The following DHRSX variants were observed in gnomAD, a reference collection of about 807,000 sequenced individuals.
DHRSX encodes polyprenol dehydrogenase.
Under a neutral mutation model 34.0 loss-of-function variants are expected in DHRSX, and 31 were observed. The observed-to-expected ratio is 0.91, with a 90% CI of 0.69 to 1.23. DHRSX has a LOEUF of 1.23. DHRSX is among the 50% of genes most tolerant of loss of function. DHRSX has a pLI of 0.00. For missense variants in DHRSX, 414 were observed against 428.1 expected, an observed-to-expected ratio of 0.97 and a Z score of 0.29; for synonymous variants, 201 against 183.8, an observed-to-expected ratio of 1.09 and a Z score of -0.76.
At chrX:2,324,706 A>G in intron 3 of DHRSX, among the ~76,000 whole-genome samples, 1 of 151,392 alleles carries the variant, frequency 6.6e-6, no homozygotes, top group South Asian at 2.1e-4. Context: ...TACAGGAGTT[A>G]AGAAGAAATC....
intron 5 of DHRSX, among the ~76,000 whole-genome samples, chrX:2,262,481 C>T (rs2041377091): frequency 6.6e-6 from 1 of 152,124 alleles, no homozygotes; most frequent in South Asian, 2.1e-4. Context: ...CTCATCTGTG[C>T]CCACAGGTAC....
chrX:2,226,195 G>A (rs2015657180), intron 6 of DHRSX, among the ~76,000 whole-genome samples: 1 of 152,168 alleles, frequency 6.6e-6, no homozygotes, highest in African/African-American at 2.4e-5. Context: ...GCAGGCTGCT[G>A]TGTGCATATG....
intron 3 of DHRSX, among the ~76,000 whole-genome samples, chrX:2,295,727 A>C (rs1055053859): frequency 2.0e-5 from 3 of 152,178 alleles, no homozygotes; most frequent in Non-Finnish European, 4.4e-5. Flanking sequence ...TGTGTAACTA[A>C]TACACAAAAT....
chrX:2,436,352 C>G (rs1051614056), intron 1 of DHRSX, among the ~76,000 whole-genome samples: 1 of 151,814 alleles, frequency 6.6e-6, no homozygotes. Context: ...GTTTTGTCTA[C>G]TGTCATGAGC....
intron 3 of DHRSX, among the ~76,000 whole-genome samples, chrX:2,306,690 T>G (rs2042101226): frequency 6.6e-6 from 1 of 152,138 alleles, no homozygotes; most frequent in Non-Finnish European, 1.5e-5. Flanking sequence ...GGATTCTGTT[T>G]GCTAGTATGT....
At chrX:2,490,126 G>A (rs370186320) in intron 1 of DHRSX, 19 of 1,613,796 alleles carry the variant, frequency 1.2e-5, no homozygotes, top group East Asian at 4.5e-5. Context: ...TCCACATGTC[G>A]GTGGAGATGC....
intron 5 of DHRSX, among the ~76,000 whole-genome samples, chrX:2,258,362 C>G (rs1305815893): frequency 2.0e-5 from 3 of 152,046 alleles, no homozygotes; most frequent in Non-Finnish European, 4.4e-5. Flanking sequence ...CCTGCCCATA[C>G]CTGGATCTCA....
At position 2,243,266 on chromosome X, in the gene DHRSX, C is replaced by T. The variant is rs181936202; in HGVS notation, c.597-36G>A. 1.0e-4 allele frequency: 165 copies of T among 1,584,484 alleles called. No individual in the cohort carries two copies. In the African/African-American group the frequency reaches 1.8e-3, roughly 18 times the overall value. On this transcript the variant is annotated intron_variant, in intron 5 of 6. Transcript: ENST00000334651. ...AGCAGGAGAAGGTGTAAGAGGCTGACGGCGTTCACGCCTAAGTGCTTCATC... is the reference window on the plus strand; with the variant it reads ...AGCAGGAGAAGGTGTAAGAGGCTGATGGCGTTCACGCCTAAGTGCTTCATC...
intron 1 of DHRSX, among the ~76,000 whole-genome samples, chrX:2,470,896 T>C (rs1283425436): frequency 3.3e-5 from 5 of 151,558 alleles, no homozygotes; most frequent in Non-Finnish European, 7.4e-5. Context: ...GTTAGAATTA[T>C]GTGAATATGT....
chrX:2,332,323 G>A (rs1279357678), intron 3 of DHRSX, among the ~76,000 whole-genome samples: 12 of 152,168 alleles, frequency 7.9e-5, no homozygotes, highest in East Asian at 1.9e-4. Context: ...CAGAGATTAC[G>A]CTGGAGAAAT....
chrX:2,429,345 C>A lies in DHRSX; in HGVS notation c.110-4041G>T, dbSNP rs2043888660. ...GTGGGTGTGTCTGTGTGTGTACATA[C>A]ATATTTCTCAGCCCCAATGCCAACT... On this transcript the variant is annotated intron_variant, in intron 1 of 6. Transcript: ENST00000334651. Among the ~76,000 whole-genome samples, 5 of 151,926 alleles carry A rather than the reference C, an allele frequency of 3.3e-5. No homozygotes were observed. In the South Asian group the frequency reaches 1.0e-3, roughly 32 times the overall value.
At chrX:2,275,108 A>G (rs2041607314) in intron 4 of DHRSX, among the ~76,000 whole-genome samples, 1 of 151,950 alleles carries the variant, frequency 6.6e-6, no homozygotes, top group Admixed American at 6.6e-5. Flanking sequence ...TGTGTTTTAA[A>G]TTTTCCATAA....
chrX:2,270,908 C>T (rs1249726910), intron 4 of DHRSX, among the ~76,000 whole-genome samples: 2 of 149,030 alleles, frequency 1.3e-5, no homozygotes, highest in Non-Finnish European at 3.0e-5. Context: ...ATGGACCAAT[C>T]AGCACTCTGT....
At chrX:2,446,042 A>G (rs2044129244) in intron 1 of DHRSX, among the ~76,000 whole-genome samples, 1 of 151,670 alleles carries the variant, frequency 6.6e-6, no homozygotes, top group Non-Finnish European at 1.5e-5. Context: ...GACATTCCCT[A>G]AGTTTGTGGC....
At chrX:2,294,265 C>T (rs930416566) in intron 3 of DHRSX, among the ~76,000 whole-genome samples, 1 of 151,882 alleles carries the variant, frequency 6.6e-6, no homozygotes, top group Admixed American at 6.6e-5. Context: ...AGAAAGAGGC[C>T]GGGCACGATG....
chrX:2,459,550 GTATATATATA>G (rs57748851), intron 1 of DHRSX, among the ~76,000 whole-genome samples: 2,472 of 137,692 alleles, frequency 0.018, 78 homozygotes, highest in African/African-American at 0.059. Flanking sequence ...GTGTCTGTGT[GTATATATATA>G]TATATATATA....
At chrX:2,227,122 C>A (rs1436736466) in intron 6 of DHRSX, among the ~76,000 whole-genome samples, 2 of 152,096 alleles carry the variant, frequency 1.3e-5, no homozygotes, top group African/African-American at 4.8e-5. Flanking sequence ...CCTGCACCCA[C>A]ATCTGTACAT....
chrX:2,330,689 A>G (rs763254661), intron 3 of DHRSX, among the ~76,000 whole-genome samples: 2 of 84,770 alleles, frequency 2.4e-5, no homozygotes, highest in Non-Finnish European at 4.8e-5. Flanking sequence ...GAGGAGAAGT[A>G]GGAGGAGATG....
chrX:2,290,267 A>G (rs1212475149), intron 4 of DHRSX, among the ~76,000 whole-genome samples: 1 of 152,170 alleles, frequency 6.6e-6, no homozygotes, highest in Non-Finnish European at 1.5e-5. Context: ...ATGTTATACA[A>G]AAACACGAAA....
Sources: allele counts gnomAD v4.1 joint callset (sites outside exome capture counted in the v4.1 genomes callset), GRCh38; gene constraint gnomAD v4.1.1; transcripts MANE v1.5; gene names NCBI Gene and HGNC (gene_info 2026-07-23, HGNC 2026-07-21).